The following ENG variants were observed in gnomAD, a reference collection of about 807,000 sequenced individuals.
ENG encodes CD105 antigen.
Under a neutral mutation model 71.0 loss-of-function variants are expected in ENG, and 17 were observed. The ratio of observed to expected loss-of-function variants is 0.24; its 90% confidence interval spans 0.16 to 0.36. The LOEUF (loss-of-function observed/expected upper bound fraction) is 0.36, where lower values mean the gene tolerates loss of function less well. Among genes scored for constraint, ENG ranks in the 10% least tolerant of loss-of-function variants. ENG has a pLI of 1.00. For synonymous variants in ENG, 360 were observed against 366.9 expected (o/e 0.98, Z 0.21); for missense variants, 749 against 868.3 (o/e 0.86, Z 1.73).
At position 127,824,332 on chromosome 9, in the gene ENG, G is replaced by A. The variant is rs775352287; in HGVS notation, c.1106C>T (p.Thr369Ile). The change falls in exon 8 of 15, where the codon ACC becomes ATC. Residue 369 changes from threonine (T) to isoleucine (I), a missense_variant. Physicochemically the swap from Thr to Ile is moderately conservative, Grantham distance 89 (BLOSUM62 -1). Transcript: ENST00000373203. Reference sequence around the variant, plus strand: ...AACAAGCTCTTTCTTTAGTACCAGGGTCATGGCGTCGTCGGCACACTTTGT... The same window carrying A: ...AACAAGCTCTTTCTTTAGTACCAGGATCATGGCGTCGTCGGCACACTTTGT... ...IQTKCADDAM[T>I]LVLKKELVAH... 7 of 1,614,014 alleles carry A rather than the reference G, an allele frequency of 4.3e-6. No individual in the cohort carries two copies.
At chr9:127,825,112 G>T (rs957958415) in intron 6 of ENG, 119 bp downstream of exon 6, 2 of 1,595,212 alleles carry the variant, frequency 1.3e-6, no homozygotes, top group Non-Finnish European at 1.7e-6. Flanking sequence ...CTTCCCTCAC[G>T]TATGGGCATA....
chr9:127,851,374 T>C (rs1831281359), intron 1 of ENG, among the ~76,000 whole-genome samples: 2 of 151,756 alleles, frequency 1.3e-5, no homozygotes, highest in South Asian at 4.2e-4. Context: ...CGCCCACCAC[T>C]ACGCCTGGCT....
intron 10 of ENG, 26 bp from the exon 11 acceptor site, chr9:127,818,858 G>T: frequency 6.2e-7 from 1 of 1,609,744 alleles, no homozygotes; most frequent in South Asian, 1.1e-5. Flanking sequence ...AGGGAGACTT[G>T]GTCAATCTGG....
At chr9:127,845,954 C>T (rs532747147) in intron 1 of ENG, among the ~76,000 whole-genome samples, 89 of 152,248 alleles carry the variant, frequency 5.8e-4, no homozygotes, top group Non-Finnish European at 7.4e-5. Flanking sequence ...GCAGTCCTCC[C>T]GCCTCAGCCT....
intron 3 of ENG, among the ~76,000 whole-genome samples, chr9:127,827,909 C>T (rs1209267325): frequency 6.6e-6 from 1 of 150,982 alleles, no homozygotes; most frequent in Non-Finnish European, 1.5e-5. Context: ...ATCCCAGCTA[C>T]TCGGGAGGCT....
At chr9:127,845,733 G>A (rs1165871436) in intron 1 of ENG, among the ~76,000 whole-genome samples, 1 of 152,202 alleles carries the variant, frequency 6.6e-6, no homozygotes, top group Non-Finnish European at 1.5e-5. Flanking sequence ...TTCAGACAAG[G>A]TTGCCCTCTG....
At chr9:127,829,580 G>A in intron 3 of ENG, 107 bp downstream of exon 3, 1 of 1,442,770 alleles carries the variant, frequency 6.9e-7, no homozygotes, top group Admixed American at 1.9e-5. Flanking sequence ...ATGAAAGGGA[G>A]AAGCAGGGCT....
At chr9:127,821,277 A>G (rs1430571613) in intron 8 of ENG, 1 of 151,934 alleles carries the variant, frequency 6.6e-6, no homozygotes, top group Non-Finnish European at 1.5e-5. Context: ...CTAAAATTAT[A>G]AAAATTAGCC....
intron 1 of ENG, among the ~76,000 whole-genome samples, chr9:127,853,152 A>G (rs932083820): frequency 3.3e-5 from 5 of 152,124 alleles, no homozygotes; most frequent in African/African-American, 1.2e-4. Flanking sequence ...CGGGAGTCAA[A>G]TCCCTGCTAA....
chr9:127,850,764 C>T (rs1426739936), intron 1 of ENG, among the ~76,000 whole-genome samples: 1 of 152,244 alleles, frequency 6.6e-6, no homozygotes, highest in Non-Finnish European at 1.5e-5. Flanking sequence ...GGCCACGAGC[C>T]GCTGCAGCCT....
intron 2 of ENG, 91 bp from the exon 3 acceptor site, chr9:127,829,918 A>T: frequency 6.4e-7 from 1 of 1,570,350 alleles, no homozygotes; most frequent in Non-Finnish European, 8.7e-7. Flanking sequence ...GGATGCTTCC[A>T]CTCCACTCTC....
intron 2 of ENG, among the ~76,000 whole-genome samples, chr9:127,833,522 CAA>C (rs57982372): frequency 0.36 from 23,385 of 65,248 alleles, 1,168 homozygotes; most frequent in East Asian, 0.45. Flanking sequence ...AACTCCGCCT[CAA>C]AAAAAAAAAA....
chr9:127,847,480 TAG>T (rs1831193866), intron 1 of ENG, among the ~76,000 whole-genome samples: 1 of 151,992 alleles, frequency 6.6e-6, no homozygotes, highest in Non-Finnish European at 1.5e-5. Flanking sequence ...TTTTCTGAGA[TAG>T]AGTCTCACTC....
chr9:127,837,774 GCATCCATCCATCCATC>G (rs5900769), intron 2 of ENG, among the ~76,000 whole-genome samples: 35 of 112,962 alleles, frequency 3.1e-4, no homozygotes, highest in Non-Finnish European at 1.4e-4. Flanking sequence ...ATGCATGAAT[GCATCCATCCATCCATC>G]CATCCATCCA....
At chr9:127,841,939 G>A (rs1410029290) in intron 2 of ENG, among the ~76,000 whole-genome samples, 3 of 152,234 alleles carry the variant, frequency 2.0e-5, no homozygotes, top group African/African-American at 7.2e-5. Flanking sequence ...AACAGACCCT[G>A]GCAGATGAGC....
At chr9:127,820,745 C>T (rs1012791865) in intron 8 of ENG, among the ~76,000 whole-genome samples, 3 of 151,516 alleles carry the variant, frequency 2.0e-5, no homozygotes, top group South Asian at 2.1e-4. Context: ...AGGAAAATGG[C>T]GTGAGCCCGG....
Position 127,818,743 on chromosome 9 carries a change from G to A in ENG, c.1401C>T (p.Ile467=), listed in dbSNP as rs774869479. ...GCACAAAGCTCTGCTGCCCCGGCTC[G>A]ATGGTGTTGGAGGCCTGGAGGAAGT... ...SPHFLQASNT[I]EPGQQSFVQV... is the part of the protein sequence containing the mutation. Residue 467 remains isoleucine (I), a synonymous_variant, in exon 11 of 15, where the codon ATC becomes ATT. Coordinates refer to ENST00000373203, the MANE Select transcript of ENG (RefSeq NM_001114753.3). 5.0e-6 allele frequency: 8 copies of A among 1,614,088 alleles called. No homozygotes were observed. The South Asian group carries it at 6.6e-5, about 13-fold the overall frequency.
chr9:127,818,296 C>G lies in ENG; in HGVS notation c.1510G>C (p.Val504Leu). The change falls in exon 12 of 15, where the codon GTG (valine) becomes CTG (leucine). Residue 504 changes from valine to leucine, a missense_variant. Coordinates refer to ENST00000373203, the MANE Select transcript of ENG (RefSeq NM_001114753.3). ...HLDLGPEGGT[V>L]ELIQGRAAKG... ...GCCGCCCGGCCCTGGATGAGTTCCA[C>G]GGTGCCTCCCTCAGGCCCCAAGTCC... The G allele has an allele frequency of 3.7e-6, 6 of 1,614,110 alleles. No individual in the cohort carries two copies. Among genetic ancestry groups the G allele is most frequent in the Non-Finnish European group, 5.1e-6 (6 of 1,180,046 alleles).
At chr9:127,829,102 T>C (rs1651215021) in intron 3 of ENG, among the ~76,000 whole-genome samples, 1 of 152,194 alleles carries the variant, frequency 6.6e-6, no homozygotes, top group Admixed American at 6.5e-5. Context: ...TGTTTGTTTT[T>C]AATTGTTTTT....
Sources: gnomAD v4.1 joint callset for allele counts (sites outside exome capture counted in the v4.1 genomes callset) on GRCh38, gnomAD v4.1.1 for gene constraint, MANE v1.5 for transcripts, NCBI Gene and HGNC (gene_info 2026-07-23, HGNC 2026-07-21) for gene names.